The following CDK14 variants were observed in gnomAD, a reference collection of about 807,000 sequenced individuals.
CDK14 encodes the protein cyclin-dependent kinase 14.
CDK14 carries 34 observed loss-of-function variants against 60.7 expected under a neutral mutation model. The ratio of observed to expected loss-of-function variants is 0.56; its 90% confidence interval spans 0.43 to 0.75. The LOEUF is 0.75. Among genes scored for constraint, CDK14 ranks in the 30% least tolerant of loss-of-function variants. The pLI is 0.00. For synonymous variants in CDK14, 197 were observed against 203.7 expected (o/e 0.97, Z 0.28); for missense variants, 482 against 564.1 (o/e 0.85, Z 1.47).
At chr7:90,735,784 G>C (rs1425462197) in intron 3 of CDK14, among the ~76,000 whole-genome samples, 1 of 152,226 alleles carries the variant, frequency 6.6e-6, no homozygotes, top group African/African-American at 2.4e-5. Context: ...GACCTGCCGA[G>C]CCAGACCACT....
chr7:90,955,918 C>T (rs1794395974), intron 9 of CDK14, 101 bp downstream of exon 9: 1 of 1,399,880 alleles, frequency 7.1e-7, no homozygotes, highest in Admixed American at 1.9e-5. Flanking sequence ...ATTAATGGTG[C>T]AGGAGTGTTT....
Position 91,076,805 on chromosome 7 carries a change from G to C in CDK14, c.1106-2627G>C, listed in dbSNP as rs549977156. ...ACAAGGAACTTAAACAGATTTACAA[G>C]GAAAAAACAACCCCATCAAAAAGTG... On this transcript the variant is annotated intron_variant, in intron 11 of 14. Transcript: ENST00000380050. Among the ~76,000 whole-genome samples the C allele has an allele frequency of 3.9e-5, 6 of 152,010 alleles. No individual in the cohort carries two copies. In the South Asian group the frequency reaches 1.3e-3, roughly 32 times the overall value.
At chr7:90,734,841 T>C (rs1401147442) in intron 3 of CDK14, among the ~76,000 whole-genome samples, 1 of 152,112 alleles carries the variant, frequency 6.6e-6, no homozygotes, top group African/African-American at 2.4e-5. Flanking sequence ...CTCCGTCTGG[T>C]TTTGTTCCCC....
intron 12 of CDK14, among the ~76,000 whole-genome samples, chr7:91,096,211 T>C (rs1025621168): frequency 6.6e-6 from 1 of 152,152 alleles, no homozygotes; most frequent in Non-Finnish European, 1.5e-5. Context: ...ACCAATAGGA[T>C]GTGACAGAGG....
chr7:91,117,380 C>T (rs542864653), intron 13 of CDK14, among the ~76,000 whole-genome samples: 2 of 151,840 alleles, frequency 1.3e-5, no homozygotes. Flanking sequence ...TGCCTCCTAC[C>T]TGGTTTGCCT....
At chr7:90,942,674 G>A (rs897149539) in intron 8 of CDK14, among the ~76,000 whole-genome samples, 2 of 152,178 alleles carry the variant, frequency 1.3e-5, no homozygotes, top group African/African-American at 4.8e-5. Flanking sequence ...TGTTCCCTGA[G>A]TCAGTAAACA....
chr7:90,930,492 G>A (rs560773182), intron 8 of CDK14, among the ~76,000 whole-genome samples: 1 of 150,026 alleles, frequency 6.7e-6, no homozygotes, highest in Non-Finnish European at 1.5e-5. Flanking sequence ...GGGTGATATG[G>A]GCATCTGTAC....
chr7:90,889,547 A>G (rs1792051295), intron 6 of CDK14, among the ~76,000 whole-genome samples: 1 of 152,236 alleles, frequency 6.6e-6, no homozygotes. Flanking sequence ...AAGAAGAAAG[A>G]GAATACATGT....
intron 2 of CDK14, among the ~76,000 whole-genome samples, chr7:90,687,393 A>T (rs1230106091): frequency 3.9e-5 from 6 of 152,132 alleles, no homozygotes; most frequent in African/African-American, 1.4e-4. Flanking sequence ...TGGGTTGAGG[A>T]AGGCTAATTA....
At chr7:90,838,758 A>G (rs2157796) in intron 5 of CDK14, among the ~76,000 whole-genome samples, 111,831 of 152,008 alleles carry the variant, frequency 0.74, 41,434 homozygotes, top group East Asian at 0.89. Context: ...AGTCAGACTG[A>G]TTGTCTGCTC....
chr7:90,806,643 C>T (rs2888812), intron 5 of CDK14, among the ~76,000 whole-genome samples: 66,249 of 152,030 alleles, frequency 0.44, 15,231 homozygotes, highest in East Asian at 0.82. Flanking sequence ...TGCAGTGCAC[C>T]GAGCATGAGC....
chr7:91,092,690 A>G (rs960783558), intron 12 of CDK14, among the ~76,000 whole-genome samples: 1 of 152,220 alleles, frequency 6.6e-6, no homozygotes, highest in South Asian at 2.1e-4. Flanking sequence ...AGTCAAATGC[A>G]GATTCAGATA....
intron 2 of CDK14, among the ~76,000 whole-genome samples, chr7:90,704,094 AAAAG>A (rs963220934): frequency 2.6e-5 from 4 of 152,184 alleles, no homozygotes; most frequent in African/African-American, 9.7e-5. Flanking sequence ...CCCTGTCTCA[AAAAG>A]AAAGCAGTGC....
intron 12 of CDK14, among the ~76,000 whole-genome samples, chr7:91,100,664 T>C (rs1381251106): frequency 2.0e-5 from 3 of 152,234 alleles, no homozygotes; most frequent in Non-Finnish European, 2.9e-5. Flanking sequence ...ACCCTTTCTT[T>C]GGTTTTGGAA....
At chr7:91,007,219 C>G (rs1363904125) in intron 10 of CDK14, among the ~76,000 whole-genome samples, 1 of 152,250 alleles carries the variant, frequency 6.6e-6, no homozygotes, top group Non-Finnish European at 1.5e-5. Context: ...AAGCTGCCCT[C>G]TGCCTGGACT....
intron 4 of CDK14, among the ~76,000 whole-genome samples, chr7:90,760,279 C>G (rs757438007): frequency 3.9e-5 from 6 of 152,212 alleles, no homozygotes; most frequent in African/African-American, 1.4e-4. Context: ...ACCACCTTTT[C>G]ACAATATGTG....
At chr7:91,044,747 C>G (rs1045012419) in intron 10 of CDK14, among the ~76,000 whole-genome samples, 4 of 152,126 alleles carry the variant, frequency 2.6e-5, no homozygotes, top group Non-Finnish European at 4.4e-5. Context: ...CTTGCCCTTT[C>G]TAACCTGTTT....
chr7:91,173,806 A>T (rs1176194102), intron 14 of CDK14, among the ~76,000 whole-genome samples: 1 of 152,140 alleles, frequency 6.6e-6, no homozygotes, highest in African/African-American at 2.4e-5. Flanking sequence ...GGAGGGTCCT[A>T]CGCCCACGGA....
chr7:90,966,284 T>G (rs896396691), intron 9 of CDK14, among the ~76,000 whole-genome samples: 1 of 152,180 alleles, frequency 6.6e-6, no homozygotes, highest in Non-Finnish European at 1.5e-5. Context: ...GATCTGTATT[T>G]CTTCAAACAC....
Sources: allele counts gnomAD v4.1 joint callset (sites outside exome capture counted in the v4.1 genomes callset), GRCh38; gene constraint gnomAD v4.1.1; transcripts MANE v1.5; gene names NCBI Gene and HGNC (gene_info 2026-07-23, HGNC 2026-07-21).